Variants in GABBR2 observed in about 807,000 individuals in gnomAD.
GABBR2 encodes G-protein coupled receptor 51.
Under a neutral mutation model 105.6 loss-of-function variants are expected in GABBR2, and 23 were observed. That is an observed-to-expected ratio of 0.22 (90% CI 0.16 to 0.31). The LOEUF is 0.31. Among genes scored for constraint, GABBR2 ranks in the 10% least tolerant of loss-of-function variants. The probability of loss-of-function intolerance (pLI) is 1.00; values close to 1 mark genes in which losing one functional copy is unlikely to be tolerated. For synonymous variants in GABBR2, 478 were observed against 499.7 expected (o/e 0.96, Z 0.58); for missense variants, 734 against 1,245.5 (o/e 0.59, Z 6.18).
intron 1 of GABBR2, among the ~76,000 whole-genome samples, chr9:98,675,523 A>C (rs1212221838): frequency 6.6e-6 from 1 of 152,222 alleles, no homozygotes; most frequent in Non-Finnish European, 1.5e-5. Flanking sequence ...CAGCATGAGG[A>C]CAGTTCTGGA....
intron 4 of GABBR2, 59 bp downstream of exon 4, chr9:98,496,354 T>G (rs1330050513): frequency 9.4e-7 from 1 of 1,066,818 alleles, no homozygotes; most frequent in African/African-American, 1.5e-5. Flanking sequence ...GTCAGGTAAT[T>G]TGGGCACCCA....
chr9:98,645,234 T>C (rs1830015442), intron 1 of GABBR2, among the ~76,000 whole-genome samples: 1 of 152,174 alleles, frequency 6.6e-6, no homozygotes, highest in African/African-American at 2.4e-5. Context: ...CAAGGTGCAA[T>C]GGGCTGCAGT....
At chr9:98,387,512 T>C (rs1455415296) in intron 10 of GABBR2, among the ~76,000 whole-genome samples, 1 of 152,198 alleles carries the variant, frequency 6.6e-6, no homozygotes, top group East Asian at 1.9e-4. Context: ...TCACTTTTTT[T>C]TGTGGCAGTA....
At chr9:98,693,474 T>G (rs958456996) in intron 1 of GABBR2, among the ~76,000 whole-genome samples, 2 of 152,194 alleles carry the variant, frequency 1.3e-5, no homozygotes, top group Non-Finnish European at 2.9e-5. Context: ...CCCTTGCAGA[T>G]CATTTTGCCT....
At chr9:98,568,041 G>A (rs1828775435) in intron 2 of GABBR2, among the ~76,000 whole-genome samples, 1 of 152,208 alleles carries the variant, frequency 6.6e-6, no homozygotes. Context: ...AGTAAGAACA[G>A]AACCTCTCTT....
chr9:98,637,417 G>A (rs1341146348), intron 1 of GABBR2, among the ~76,000 whole-genome samples: 1 of 152,090 alleles, frequency 6.6e-6, no homozygotes, highest in East Asian at 1.9e-4. Flanking sequence ...GCAGAATAAT[G>A]GCCCCCCAAG....
intron 1 of GABBR2, among the ~76,000 whole-genome samples, chr9:98,646,016 C>G (rs1425936910): frequency 1.3e-5 from 2 of 152,192 alleles, no homozygotes; most frequent in Non-Finnish European, 2.9e-5. Flanking sequence ...CAGTCTGGCT[C>G]CGGGATCCCT....
In GABBR2 at chr9:98,376,703, C is replaced by A. The variant is rs144946388; in HGVS notation, c.1663-5132G>T. The stretch of plus-strand genomic sequence containing the variant: ...CCTCTAGAAACAGCCCCAGAAGACC[C>A]CGTCTTGCTCAGGGTCTTCTGGGTA... On this transcript the variant is annotated intron_variant, in intron 11 of 18. Coordinates refer to ENST00000259455, the MANE Select transcript of GABBR2 (RefSeq NM_005458.8). Among the ~76,000 whole-genome samples, 22 of 152,246 alleles carry A rather than the reference C, an allele frequency of 1.4e-4. No individual in the cohort carries two copies. In the East Asian group the frequency reaches 4.3e-3, roughly 29 times the overall value.
At chr9:98,419,023 C>G (rs1442723863) in intron 7 of GABBR2, among the ~76,000 whole-genome samples, 1 of 152,214 alleles carries the variant, frequency 6.6e-6, no homozygotes, top group Non-Finnish European at 1.5e-5. Context: ...GACCAGCTGA[C>G]CTGAAAGTCT....
chr9:98,318,921 T>TTGG (rs1830772132), intron 13 of GABBR2, among the ~76,000 whole-genome samples: 2 of 142,840 alleles, frequency 1.4e-5, no homozygotes, highest in African/African-American at 5.3e-5. Context: ...GTGTTGGGGG[T>TTGG]GTGTGTGTGT....
chr9:98,577,797 G>C (rs1476995111), intron 2 of GABBR2, 138 bp downstream of exon 2: 1 of 772,798 alleles, frequency 1.3e-6, no homozygotes, highest in African/African-American at 1.8e-5. Context: ...GTGAAAGGCT[G>C]TGCTATCACC....
rs565299771 is a variant in GABBR2 at position 98,416,141 on chromosome 9, A to C, written c.1237-10000T>G. The stretch of plus-strand genomic sequence containing the variant: ...GTAGATTTCAAGCTATCAATGATTT[A>C]ACAGCTGGCTCACAAATTCCTGATA... On this transcript the variant is annotated intron_variant, in intron 7 of 18. Transcript: ENST00000259455. Among the ~76,000 whole-genome samples, 3 of 152,302 alleles carry C rather than the reference A, an allele frequency of 2.0e-5. No homozygotes were observed. The East Asian group carries it at 5.8e-4, about 29-fold the overall frequency.
chr9:98,701,476 T>A (rs1051914098), intron 1 of GABBR2, among the ~76,000 whole-genome samples: 1 of 152,104 alleles, frequency 6.6e-6, no homozygotes, highest in Non-Finnish European at 1.5e-5. Flanking sequence ...TAGTGCCACC[T>A]CAGTCCTTAA....
intron 3 of GABBR2, among the ~76,000 whole-genome samples, chr9:98,504,068 C>T (rs1827458642): frequency 6.6e-6 from 1 of 152,036 alleles, no homozygotes; most frequent in Non-Finnish European, 1.5e-5. Flanking sequence ...ACCCAGGGCA[C>T]CAGGATTGCT....
chr9:98,386,212 G>GTT lies in GABBR2; in HGVS notation c.1530-442_1530-441dup, dbSNP rs201485919. On this transcript the variant is annotated intron_variant, in intron 10 of 18. Coordinates refer to ENST00000259455, the MANE Select transcript of GABBR2 (RefSeq NM_005458.8). ...TTAAACAAAAGCATTAAGTCAACAG[G>GTT]TTTTTTTTTTTTTTTTTGGCTGGAA... 9.2e-4 allele frequency among the ~76,000 whole-genome samples: 125 copies of GTT among 136,458 alleles called. 2 individuals are homozygous for GTT. Among genetic ancestry groups the GTT allele is most frequent in the South Asian group, 1.9e-3 (8 of 4,270 alleles). 89.5% of individuals were successfully genotyped at this position (136,458 alleles called of 152,430 possible).
In GABBR2 at chr9:98,481,066, G is replaced by T. The variant is rs368263884; in HGVS notation, c.733-69C>A. ...CACCCCATAAAGGGTTCAAGGCTGT[G>T]GCAGACAACATTCCTTCACCTCTGG... On this transcript the variant is annotated intron_variant, in intron 4 of 18. Coordinates refer to ENST00000259455, the MANE Select transcript of GABBR2 (RefSeq NM_005458.8). 83 of 974,612 alleles carry T rather than the reference G, an allele frequency of 8.5e-5. No homozygotes were observed. In the African/African-American group the frequency reaches 1.0e-3, roughly 12 times the overall value. The allele number at this position is 974,612 out of a possible 1,614,324, so 60.4% of individuals were successfully genotyped here.
chr9:98,596,194 TA>T (rs1829231447), intron 1 of GABBR2, among the ~76,000 whole-genome samples: 1 of 152,344 alleles, frequency 6.6e-6, no homozygotes, highest in Non-Finnish European at 1.5e-5. Flanking sequence ...TCCTCCCCCA[TA>T]AACGAGGATG....
chr9:98,485,293 A>G (rs1042512704), intron 4 of GABBR2, among the ~76,000 whole-genome samples: 2 of 152,136 alleles, frequency 1.3e-5, no homozygotes, highest in African/African-American at 4.8e-5. Flanking sequence ...GGAATGGGGT[A>G]GGAAAATGGG....
intron 3 of GABBR2, among the ~76,000 whole-genome samples, chr9:98,530,532 C>T (rs1303042419): frequency 6.6e-6 from 1 of 152,226 alleles, no homozygotes; most frequent in Non-Finnish European, 1.5e-5. Flanking sequence ...AATACCAGCA[C>T]TTTGGGAGGC....
Sources: allele counts gnomAD v4.1 joint callset (sites outside exome capture counted in the v4.1 genomes callset), GRCh38; gene constraint gnomAD v4.1.1; transcripts MANE v1.5; gene names NCBI Gene and HGNC (gene_info 2026-07-23, HGNC 2026-07-21).